TULP4: variants seen among roughly 807,000 people sequenced by gnomAD.
TULP4 encodes tubby-related protein 4.
TULP4 carries 16 observed loss-of-function variants against 129.0 expected under a neutral mutation model. The observed-to-expected ratio is 0.12, with a 90% CI of 0.08 to 0.19. TULP4 has a LOEUF of 0.19. TULP4 is among the 10% of genes least tolerant of loss of function. TULP4 has a pLI of 1.00. For missense variants in TULP4, 1,842 were observed against 2,059.1 expected (o/e 0.89, Z 2.04); for synonymous variants, 998 against 854.0 (o/e 1.17, Z -2.94).
intron 2 of TULP4, among the ~76,000 whole-genome samples, chr6:158,418,116 T>TTGGGG (rs1562557706): frequency 1.9e-5 from 2 of 104,920 alleles, no homozygotes; most frequent in Non-Finnish European, 5.1e-5. Flanking sequence ...TTTTTTTTTT[T>TTGGGG]GGGAGCGGGG....
In TULP4 at chr6:158,508,142, T is replaced by TTGTTGTTGTTTTC. The variant is rs1366856099; in HGVS notation, c.*1460_*1461insCTGTTGTTGTTTT. The stretch of plus-strand genomic sequence containing the variant: ...CCCTGATGACAAAACCCAGTGTTTT[T>TTGTTGTTGTTTTC]TGTTGTTGTTTTTTGTTGTTGTTTT... On this transcript the variant is annotated 3_prime_UTR_variant, in exon 14 of 14. Coordinates refer to ENST00000367097, the MANE Select transcript of TULP4 (RefSeq NM_020245.5). The TTGTTGTTGTTTTC allele has an allele frequency of 6.6e-6, 1 of 151,050 alleles. No homozygotes were observed. Among genetic ancestry groups the TTGTTGTTGTTTTC allele is most frequent in the Non-Finnish European group, 1.5e-5 (1 of 67,966 alleles). The allele number at this position is 151,050 out of a possible 1,614,324, so 9.4% of individuals were successfully genotyped here.
chr6:158,446,693 T>A (rs1043794599), intron 3 of TULP4, among the ~76,000 whole-genome samples: 4 of 152,092 alleles, frequency 2.6e-5, no homozygotes, highest in Non-Finnish European at 4.4e-5. Context: ...ACAACAGACA[T>A]TGAGTTCTCA....
At chr6:158,265,636 C>T (rs1033925939) in intron 1 of TULP4, among the ~76,000 whole-genome samples, 6 of 151,196 alleles carry the variant, frequency 4.0e-5, no homozygotes, top group African/African-American at 7.3e-5. Context: ...GAGCCAAAAT[C>T]GTGCCACTGC....
intron 1 of TULP4, among the ~76,000 whole-genome samples, chr6:158,401,424 A>G (rs941455470): frequency 3.9e-5 from 6 of 152,202 alleles, no homozygotes; most frequent in Non-Finnish European, 7.3e-5. Context: ...AGAACTGTAT[A>G]AAACATAGTG....
At chr6:158,415,510 C>T (rs965011582) in intron 2 of TULP4, among the ~76,000 whole-genome samples, 14 of 149,784 alleles carry the variant, frequency 9.3e-5, no homozygotes, top group African/African-American at 3.2e-4. Context: ...CCACCACGCC[C>T]GGCTAATTTT....
At chr6:158,434,809 C>T (rs563690696) in intron 3 of TULP4, among the ~76,000 whole-genome samples, 1 of 152,280 alleles carries the variant, frequency 6.6e-6, no homozygotes, top group South Asian at 2.1e-4. Context: ...GCTGATGTGC[C>T]TGAGGCCACT....
At chr6:158,329,500 A>G (rs1779826428) in intron 1 of TULP4, among the ~76,000 whole-genome samples, 1 of 151,674 alleles carries the variant, frequency 6.6e-6, no homozygotes, top group Non-Finnish European at 1.5e-5. Context: ...CGAAAGCACC[A>G]TCCTTGTCAG....
chr6:158,290,605 C>T (rs1390603289), intron 1 of TULP4, among the ~76,000 whole-genome samples: 3 of 152,068 alleles, frequency 2.0e-5, no homozygotes, highest in African/African-American at 4.8e-5. Context: ...GTTTTTACCC[C>T]TCCAGTGATT....
chr6:158,245,507 T>A (rs1399419503), intron 1 of TULP4, among the ~76,000 whole-genome samples: 2 of 152,094 alleles, frequency 1.3e-5, no homozygotes, highest in African/African-American at 4.8e-5. Flanking sequence ...ATGTAGACAT[T>A]GATGCACTCA....
intron 8 of TULP4, among the ~76,000 whole-genome samples, chr6:158,485,435 A>T (rs562560085): frequency 4.1e-4 from 62 of 152,352 alleles, no homozygotes; most frequent in African/African-American, 1.4e-3. Context: ...ATGAGCAGAG[A>T]CACTGCCAGT....
chr6:158,440,709 C>A (rs1778873581), intron 3 of TULP4, among the ~76,000 whole-genome samples: 1 of 152,182 alleles, frequency 6.6e-6, no homozygotes, highest in African/African-American at 2.4e-5. Context: ...TGGGAGACAG[C>A]CTCCCACCCT....
At chr6:158,387,177 G>C (rs1429041099) in intron 1 of TULP4, among the ~76,000 whole-genome samples, 2 of 152,098 alleles carry the variant, frequency 1.3e-5, no homozygotes, top group African/African-American at 4.8e-5. Context: ...TGTTTTTATA[G>C]ATCTGTCAAT....
intron 1 of TULP4, among the ~76,000 whole-genome samples, chr6:158,331,742 T>TAC (rs747830520): frequency 8.8e-5 from 1 of 11,348 alleles, no homozygotes; most frequent in African/African-American, 2.4e-4. Flanking sequence ...CGTATATATA[T>TAC]ACGTGTATAT....
intron 5 of TULP4, 140 bp from the exon 6 acceptor site, chr6:158,461,423 A>AAAAAT: frequency 1.2e-6 from 1 of 801,476 alleles, no homozygotes; most frequent in Non-Finnish European, 1.8e-6. Context: ...AAAAAAAAAA[A>AAAAAT]AAAGGAAAAA....
intron 1 of TULP4, among the ~76,000 whole-genome samples, chr6:158,368,526 T>C (rs1776995963): frequency 6.6e-6 from 1 of 152,344 alleles, no homozygotes; most frequent in East Asian, 1.9e-4. Context: ...ATATCAGGAA[T>C]CTATCTCTAG....
At chr6:158,348,759 G>A (rs1008069098) in intron 1 of TULP4, among the ~76,000 whole-genome samples, 4 of 151,088 alleles carry the variant, frequency 2.6e-5, no homozygotes, top group South Asian at 4.2e-4. Flanking sequence ...TCCCAGATGG[G>A]GCAGCTGGGC....
Position 158,314,253 on chromosome 6 carries a change from G to A in TULP4, c.237G>A (p.Arg79=). 2 of 1,613,750 alleles carry A rather than the reference G, an allele frequency of 1.2e-6. No individual in the cohort carries two copies. The highest frequency in any genetic ancestry group is 2.2e-5 in the East Asian group (1 of 44,876). ...CACAGAGGATAAATTTCAACCTCCG[G>A]GGCCACAATAGCGAGGTGAGCTGTG... ...STPQRINFNL[R]GHNSEVVLVR... is the part of the protein sequence containing the mutation. Residue 79 remains arginine (R), a synonymous_variant, in exon 1 of 14, where the codon CGG becomes CGA. Coordinates refer to ENST00000367097, the MANE Select transcript of TULP4 (RefSeq NM_020245.5).
chr6:158,500,701 T>C (rs1780425045), intron 12 of TULP4, among the ~76,000 whole-genome samples: 2 of 152,234 alleles, frequency 1.3e-5, no homozygotes, highest in Non-Finnish European at 2.9e-5. Flanking sequence ...ACTCTCACTG[T>C]GTACAAATAG....
At position 158,235,752 on chromosome 6, in the gene TULP4, G is replaced by A. The variant is rs139571419; in HGVS notation, n.68+3449G>A. ...TTGTATACTAAATGTTAGTAACTGT[G>A]GTACTTCATGATGATCAGGAACCTT... is the stretch of plus-strand genomic sequence containing the variant. On this transcript the variant is annotated intron_variant and non_coding_transcript_variant, in intron 1 of 1. Coordinates refer to the TULP4 transcript ENST00000620026. Among the ~76,000 whole-genome samples, 587 of 152,250 alleles carry A rather than the reference G, an allele frequency of 3.9e-3. 3 individuals are homozygous for A. Among genetic ancestry groups the A allele is most frequent in the Non-Finnish European group, 6.4e-3 (433 of 68,018 alleles).
Sources: gnomAD v4.1 joint callset for allele counts (sites outside exome capture counted in the v4.1 genomes callset) on GRCh38, gnomAD v4.1.1 for gene constraint, MANE v1.5 for transcripts, NCBI Gene and HGNC (gene_info 2026-07-23, HGNC 2026-07-21) for gene names.